The following CEMIP2 variants were observed in gnomAD, a reference collection of about 807,000 sequenced individuals.
The protein encoded by CEMIP2 is cell migration inducing hyaluronidase 2, also known as cell surface hyaluronidase CEMIP2.
CEMIP2 carries 79 observed loss-of-function variants against 146.9 expected under a neutral mutation model. That is an observed-to-expected ratio of 0.54 (90% CI 0.45 to 0.65). CEMIP2 has a LOEUF of 0.65. Among genes scored for constraint, CEMIP2 ranks in the 30% least tolerant of loss-of-function variants. CEMIP2 has a pLI of 0.00. For missense variants in CEMIP2, 1,596 were observed against 1,696.2 expected, an observed-to-expected ratio of 0.94 and a Z score of 1.04; for synonymous variants, 601 against 606.3, an observed-to-expected ratio of 0.99 and a Z score of 0.13.
chr9:71,715,648 A>G (rs146451497), intron 14 of CEMIP2, among the ~76,000 whole-genome samples: 5,813 of 134,198 alleles, frequency 0.043, 160 homozygotes, highest in Non-Finnish European at 0.053. Context: ...ATATATATAT[A>G]CTTTTTTTTT....
chr9:71,748,384 G>A (rs1452629255), intron 2 of CEMIP2, among the ~76,000 whole-genome samples: 1 of 152,170 alleles, frequency 6.6e-6, no homozygotes, highest in Non-Finnish European at 1.5e-5. Flanking sequence ...AATAACCACA[G>A]TCAAGCTGAC....
At chr9:71,701,781 C>G (rs1563998769) in intron 18 of CEMIP2, among the ~76,000 whole-genome samples, 1 of 152,074 alleles carries the variant, frequency 6.6e-6, no homozygotes, top group Non-Finnish European at 1.5e-5. Flanking sequence ...ATCATTTTCT[C>G]TCTTTTTTGA....
At chr9:71,723,357 A>T (rs1158708673) in intron 11 of CEMIP2, among the ~76,000 whole-genome samples, 6 of 35,528 alleles carry the variant, frequency 1.7e-4, no homozygotes, top group Admixed American at 3.6e-4. Flanking sequence ...AGAGAATTTA[A>T]AAAAAAAAAA....
intron 21 of CEMIP2, among the ~76,000 whole-genome samples, chr9:71,694,192 A>G (rs1483303574): frequency 1.3e-5 from 2 of 151,786 alleles, no homozygotes; most frequent in Non-Finnish European, 2.9e-5. Context: ...GCGCGATCTC[A>G]GCTCACTGCA....
At chr9:71,694,682 T>C (rs1204093410) in intron 20 of CEMIP2, 75 bp from the exon 21 acceptor site, 25 of 935,024 alleles carry the variant, frequency 2.7e-5, no homozygotes, top group Non-Finnish European at 5.1e-6. Context: ...ATAAAGTTAA[T>C]TATAATTAAA....
chr9:71,725,753 G>A, intron 10 of CEMIP2, 44 bp from the exon 11 acceptor site: 2 of 1,577,642 alleles, frequency 1.3e-6, no homozygotes, highest in South Asian at 1.2e-5. Flanking sequence ...AATTTATACA[G>A]ATATCTATGA....
intron 22 of CEMIP2, among the ~76,000 whole-genome samples, chr9:71,688,119 A>T (rs1236888348): frequency 6.6e-6 from 1 of 152,158 alleles, no homozygotes; most frequent in Non-Finnish European, 1.5e-5. Context: ...GGCCTCCCAA[A>T]GTGCTGGGAT....
At chr9:71,705,292 C>CAA (rs539024010) in intron 17 of CEMIP2, among the ~76,000 whole-genome samples, 1 of 134,830 alleles carries the variant, frequency 7.4e-6, no homozygotes, top group Non-Finnish European at 1.6e-5. Flanking sequence ...TTCACCCATT[C>CAA]AAAAAAAAAA....
chr9:71,721,996 T>C (rs961275062), intron 12 of CEMIP2, among the ~76,000 whole-genome samples: 1 of 152,230 alleles, frequency 6.6e-6, no homozygotes, highest in African/African-American at 2.4e-5. Context: ...TTTGGGATCA[T>C]TCCTTTTGAA....
chr9:71,712,912 G>A (rs919538056), intron 15 of CEMIP2, among the ~76,000 whole-genome samples: 2 of 152,054 alleles, frequency 1.3e-5, no homozygotes, highest in African/African-American at 4.8e-5. Context: ...AATTCCTTAA[G>A]TTCCTCTCCT....
intron 17 of CEMIP2, among the ~76,000 whole-genome samples, chr9:71,706,985 C>A (rs368661996): frequency 6.6e-6 from 1 of 152,100 alleles, no homozygotes; most frequent in South Asian, 2.1e-4. Context: ...CCCACCACCA[C>A]GCCTGGCTAA....
Position 71,734,994 on chromosome 9 carries a change from C to A in CEMIP2, c.1205G>T (p.Gly402Val). The A allele has an allele frequency of 3.2e-6, 5 of 1,549,282 alleles. No homozygotes were observed. The highest frequency in any genetic ancestry group is 1.2e-5 in the South Asian group (1 of 84,080). Residue 402 changes from glycine (G) to valine (V), a missense_variant and splice_region_variant, in exon 6 of 24, where the codon GGC becomes GTC. By Grantham distance (109) the Gly-to-Val change is moderately radical. Transcript: ENST00000377044. Reference sequence around the variant, plus strand: ...TACCCGGAATCCTGAAAGAGAAACGCCTAAACCAAAAAAAAAAAAAAGAAA... The same window carrying A: ...TACCCGGAATCCTGAAAGAGAAACGACTAAACCAAAAAAAAAAAAAAGAAA... ...SVTAYSEWIE[G>V]VSLSGFRVEV...
rs1354987893 is a variant in CEMIP2, at chr9:71,694,374, T to C, written c.3696+135A>G. The C allele has an allele frequency of 2.7e-5, 17 of 620,996 alleles. No homozygotes were observed. In the East Asian group the frequency reaches 4.2e-4, roughly 15 times the overall value. The allele number at this position is 620,996 out of a possible 1,614,324, so 38.5% of individuals were successfully genotyped here. ...ATCTAACCTTATGATCTGCCCACCTTGGCCTCCCAAAGTGCTGGGATCACA... is the reference window on the plus strand; with the variant it reads ...ATCTAACCTTATGATCTGCCCACCTCGGCCTCCCAAAGTGCTGGGATCACA... On this transcript the variant is annotated intron_variant, in intron 21 of 23. Transcript: ENST00000377044.
At chr9:71,694,098 T>TA (rs1333695824) in intron 21 of CEMIP2, among the ~76,000 whole-genome samples, 82 of 135,606 alleles carry the variant, frequency 6.0e-4, no homozygotes, top group Non-Finnish European at 3.0e-4. Flanking sequence ...CTGTTGTTTA[T>TA]TTTTATTTAT....
At position 71,697,548 on chromosome 9, in the gene CEMIP2, G is replaced by A. The variant is rs533515038; in HGVS notation, c.3597+437C>T. Among the ~76,000 whole-genome samples, 10 of 152,026 alleles carry A rather than the reference G, an allele frequency of 6.6e-5. No individual in the cohort carries two copies. In the South Asian group the frequency reaches 8.3e-4, roughly 13 times the overall value. On this transcript the variant is annotated intron_variant, in intron 20 of 23. Coordinates refer to ENST00000377044, the MANE Select transcript of CEMIP2 (RefSeq NM_013390.3). ...TAGCATATGCTTCAAAAATAAGAGCGGATTTCCACCTTATAAAAAGGAAAC... is the reference window on the plus strand; with the variant it reads ...TAGCATATGCTTCAAAAATAAGAGCAGATTTCCACCTTATAAAAAGGAAAC...
chr9:71,766,235 AT>A lies in CEMIP2; in HGVS notation c.-13+2121del, dbSNP rs571871588. On this transcript the variant is annotated intron_variant, in intron 1 of 23. Coordinates refer to ENST00000377044, the MANE Select transcript of CEMIP2 (RefSeq NM_013390.3). ...AGGCGTGCACCACCACACCTGGCTA[AT>A]TTTTTTTTGTATTTTTAGTAGAGAT... Among the ~76,000 whole-genome samples the A allele has an allele frequency of 3.3e-5, 5 of 149,546 alleles. 2 individuals carry two copies. The highest frequency in any genetic ancestry group is 4.3e-4 in the South Asian group (2 of 4,672).
Position 71,745,393 on chromosome 9 carries a change from T to C in CEMIP2, c.659A>G (p.Lys220Arg). 1 of 1,614,086 alleles carries C rather than the reference T, an allele frequency of 6.2e-7. No individual in the cohort carries two copies. Among genetic ancestry groups the C allele is most frequent in the South Asian group, 1.1e-5 (1 of 91,086 alleles). Residue 220 changes from lysine (K) to arginine (R), a missense_variant, in exon 4 of 24, where the codon AAG becomes AGG. By Grantham distance (26) the Lys-to-Arg change is conservative (BLOSUM62 2). Transcript: ENST00000377044. Reference protein sequence around the residue: ...EGESMPTFGKKFIGVEAGGTL... With the variant: ...EGESMPTFGKRFIGVEAGGTL... ...CCCGCCAGCTTCCACACCAATAAAC[T>C]TTTTGCCAAATGTTGGCATACTTTC... is the stretch of plus-strand genomic sequence containing the variant.
At chr9:71,708,561 C>A (rs1157239461) in intron 17 of CEMIP2, among the ~76,000 whole-genome samples, 1 of 152,094 alleles carries the variant, frequency 6.6e-6, no homozygotes, top group Non-Finnish European at 1.5e-5. Flanking sequence ...GAATTCAAAC[C>A]CAGGCAGTCT....
intron 20 of CEMIP2, among the ~76,000 whole-genome samples, chr9:71,695,681 A>T (rs1398684807): frequency 6.6e-6 from 1 of 152,142 alleles, no homozygotes; most frequent in Non-Finnish European, 1.5e-5. Flanking sequence ...CTCAAAAAAA[A>T]CAAAAAACAA....
Sources: allele counts gnomAD v4.1 joint callset (sites outside exome capture counted in the v4.1 genomes callset), GRCh38; gene constraint gnomAD v4.1.1; transcripts MANE v1.5; gene names NCBI Gene and HGNC (gene_info 2026-07-23, HGNC 2026-07-21).